RAP1GAP: variants seen among roughly 807,000 people sequenced by gnomAD.
RAP1GAP encodes the protein rap1 GTPase-activating protein 1.
Under a neutral mutation model 87.2 loss-of-function variants are expected in RAP1GAP, and 35 were observed. The observed-to-expected ratio is 0.40, with a 90% CI of 0.31 to 0.53. The LOEUF (loss-of-function observed/expected upper bound fraction) is 0.53. Ranked by LOEUF, RAP1GAP falls within the 20% of genes least tolerant of loss-of-function variation. The probability of loss-of-function intolerance (pLI) is 0.48; values close to 1 mark genes in which losing one functional copy is unlikely to be tolerated. For missense variants in RAP1GAP, 734 were observed against 898.9 expected, an observed-to-expected ratio of 0.82 and a Z score of 2.35; for synonymous variants, 375 against 363.9, an observed-to-expected ratio of 1.03 and a Z score of -0.35.
intron 22 of RAP1GAP, 58 bp from the exon 23 acceptor site, chr1:21,598,122 CG>C (rs1397850170): frequency 2.5e-6 from 3 of 1,191,466 alleles, no homozygotes; most frequent in African/African-American, 1.5e-5. Context: ...ACCAGGGAGA[CG>C]GGGGCATAGG....
At chr1:21,597,924 G>C in intron 23 of RAP1GAP, 37 bp downstream of exon 23, 1 of 1,541,664 alleles carries the variant, frequency 6.5e-7, no homozygotes, top group African/African-American at 1.4e-5. Flanking sequence ...TCCCGGGTGG[G>C]GCTCCCTCAG....
At chr1:21,638,540 G>A (rs9426675) in intron 2 of RAP1GAP, among the ~76,000 whole-genome samples, 448 of 151,982 alleles carry the variant, frequency 2.9e-3, no homozygotes, top group Non-Finnish European at 5.3e-3. Flanking sequence ...ATTTTGAGTG[G>A]GATGAAGCCC....
chr1:21,602,074 C>A (rs528970641), intron 19 of RAP1GAP, among the ~76,000 whole-genome samples: 13 of 152,312 alleles, frequency 8.5e-5, no homozygotes, highest in Non-Finnish European at 1.3e-4. Flanking sequence ...AGGAACCTGC[C>A]CAGGGACGCA....
In RAP1GAP at chr1:21,669,312, T is replaced by G; in HGVS notation, c.-207A>C. On this transcript the variant is annotated 5_prime_UTR_variant, in exon 1 of 25. Transcript: ENST00000374765. This position sits in a 1 kb window ranked among gnomAD's most constrained non-coding sequence, Gnocchi z 5.6. Reference sequence around the variant, plus strand: ...GCACTCTGGTGCCCGCGGCCGCCGCTGCAGCTCTGCTCAGATGCGGCCGGC... The same window carrying G: ...GCACTCTGGTGCCCGCGGCCGCCGCGGCAGCTCTGCTCAGATGCGGCCGGC... 2 of 1,162,426 alleles carry G rather than the reference T, an allele frequency of 1.7e-6. No homozygotes were observed. Among genetic ancestry groups the G allele is most frequent in the Non-Finnish European group, 2.1e-6 (2 of 937,852 alleles). The allele number at this position is 1,162,426 out of a possible 1,614,324, so 72.0% of individuals were successfully genotyped here.
chr1:21,656,153 C>G (rs1447504687), intron 1 of RAP1GAP, among the ~76,000 whole-genome samples: 1 of 152,188 alleles, frequency 6.6e-6, no homozygotes, highest in Admixed American at 6.5e-5. Flanking sequence ...TAACAGTGGG[C>G]TGGGCGCGGT....
At chr1:21,632,825 A>C (rs2094021237) in intron 2 of RAP1GAP, among the ~76,000 whole-genome samples, 1 of 152,210 alleles carries the variant, frequency 6.6e-6, no homozygotes, top group Non-Finnish European at 1.5e-5. Flanking sequence ...CACTTGAGCC[A>C]GAAGTTCCAG....
chr1:21,656,196 G>A (rs2096851330), intron 1 of RAP1GAP, among the ~76,000 whole-genome samples: 1 of 152,168 alleles, frequency 6.6e-6, no homozygotes, highest in Admixed American at 6.5e-5. Flanking sequence ...ATTTTGGGAG[G>A]CTGAGGCAGG....
chr1:21,630,023 G>A (rs899069307), intron 2 of RAP1GAP, among the ~76,000 whole-genome samples: 4 of 152,218 alleles, frequency 2.6e-5, no homozygotes, highest in African/African-American at 9.7e-5. Flanking sequence ...GGCCGACACA[G>A]CTGATACAGA....
Position 21,609,679 on chromosome 1 carries a change from A to G in RAP1GAP, c.1000-33T>C. 6.6e-7 allele frequency: 1 copy of G among 1,506,040 alleles called. No individual in the cohort carries two copies. Among genetic ancestry groups the G allele is most frequent in the South Asian group, 1.4e-5 (1 of 71,750 alleles). The allele number at this position is 1,506,040 out of a possible 1,614,324, so 93.3% of individuals were successfully genotyped here. On this transcript the variant is annotated intron_variant, in intron 14 of 24. Transcript: ENST00000374765. This position sits in a 1 kb window ranked among gnomAD's most constrained non-coding sequence, Gnocchi z 4.4. ...GGAGGGCAGCTGTCTGTTCCTGTGG[A>G]GCCTGGGGTCTGCTCTGCCCCACCC...
chr1:21,612,951 A>ACCGAGGCTTAAACG, intron 10 of RAP1GAP: 1 of 581,304 alleles, frequency 1.7e-6, no homozygotes, highest in Non-Finnish European at 3.1e-6. Flanking sequence ...AGGCAGACAA[A>ACCGAGGCTTAAACG]CCGAGGCTTA....
chr1:21,598,330 G>C, intron 22 of RAP1GAP, 70 bp downstream of exon 22: 1 of 1,385,914 alleles, frequency 7.2e-7, no homozygotes, highest in Non-Finnish European at 1.0e-6. Context: ...ATGGGAACTG[G>C]TGCCCAGCCC....
Position 21,609,968 on chromosome 1 carries a change from AG to A in RAP1GAP, c.999+151del, listed in dbSNP as rs1324824384. On this transcript the variant is annotated intron_variant, in intron 14 of 24. Transcript: ENST00000374765. This position sits in a 1 kb window ranked among gnomAD's most constrained non-coding sequence, Gnocchi z 4.4. ...TGAGGGGGTGAGCTTTGGGGACGAC[AG>A]GGGGCGTGGTGTGAACAGTGCACCA... is the stretch of plus-strand genomic sequence containing the variant. 1.3e-5 allele frequency: 13 copies of A among 990,302 alleles called. No homozygotes were observed. Among genetic ancestry groups the A allele is most frequent in the Non-Finnish European group, 1.6e-5 (11 of 692,446 alleles). 61.3% of individuals were successfully genotyped at this position (990,302 alleles called of 1,614,324 possible).
At position 21,603,210 on chromosome 1, in the gene RAP1GAP, G is replaced by T. The variant is rs1348605287; in HGVS notation, c.1429-297C>A. On this transcript the variant is annotated intron_variant, in intron 18 of 24. Coordinates refer to ENST00000374765, the MANE Select transcript of RAP1GAP (RefSeq NM_002885.4). The surrounding 1 kb of genome is among the most constrained non-coding windows in gnomAD (Gnocchi z 6.0). ...GGGAGGAGGCCGAGTCCTCAGAATG[G>T]CTACCGCTCCCCGCCCCCCAGGGCT... is the stretch of plus-strand genomic sequence containing the variant. 7.0e-6 allele frequency: 3 copies of T among 426,106 alleles called. No individual in the cohort carries two copies. The highest frequency in any genetic ancestry group is 1.3e-5 in the Non-Finnish European group (3 of 236,806). 26.4% of individuals were successfully genotyped at this position (426,106 alleles called of 1,614,324 possible).
intron 2 of RAP1GAP, among the ~76,000 whole-genome samples, chr1:21,639,166 C>T (rs1377666164): frequency 2.0e-5 from 3 of 152,360 alleles, no homozygotes; most frequent in Middle Eastern, 3.4e-3. Flanking sequence ...CTGCTCCTAG[C>T]GCGGGCTCCA....
Position 21,610,195 on chromosome 1 carries a change from C to G in RAP1GAP, c.924G>C (p.Met308Ile), listed in dbSNP as rs769852726. The G allele has an allele frequency of 1.5e-5, 25 of 1,614,064 alleles. No individual in the cohort carries two copies. The Admixed American group carries it at 1.8e-4, about 12-fold the overall frequency. ...QDENTPFVPD[M>I]IASNFLHAYV... ...AGGCATGCAGGAAGTTGGACGCGAT[C>G]ATGTCGGGCACGAAAGGAGTGTTCT... Residue 308 changes from methionine to isoleucine, a missense_variant, in exon 14 of 25, where the codon ATG becomes ATC. Around this residue, in one of 2 missense-constraint regions of RAP1GAP, gnomAD observed 485 missense variants for 646.2 expected, o/e 0.75. Transcript: ENST00000374765.
At chr1:21,628,279 G>A (rs979723224) in intron 2 of RAP1GAP, among the ~76,000 whole-genome samples, 34 of 152,086 alleles carry the variant, frequency 2.2e-4, no homozygotes, top group Middle Eastern at 3.4e-3. Context: ...CAGGCTGGGC[G>A]TGATGGCTCA....
At position 21,602,885 on chromosome 1, in the gene RAP1GAP, G is replaced by A. The variant is rs769374630; in HGVS notation, c.1457C>T (p.Thr486Met). The change falls in exon 19 of 25, where the codon ACG becomes ATG. Residue 486 changes from threonine (T) to methionine (M), a missense_variant. Thr to Met is a moderately conservative substitution (Grantham distance 81). Transcript: ENST00000374765. ...ISLIVPGKSP[T>M]RKKSGPFGSR... ...GCCGAACGGGCCCGACTTCTTCCTC[G>A]TGGGGCTCTTCCCAGGGACAATCAG... is the stretch of plus-strand genomic sequence containing the variant. 17 of 1,609,912 alleles carry A rather than the reference G, an allele frequency of 1.1e-5. No individual in the cohort carries two copies. Among genetic ancestry groups the A allele is most frequent in the South Asian group, 3.3e-5 (3 of 91,024 alleles).
At chr1:21,611,894 A>G in intron 11 of RAP1GAP, 78 bp from the exon 12 acceptor site, 2 of 1,514,242 alleles carry the variant, frequency 1.3e-6, no homozygotes, top group South Asian at 2.3e-5. Flanking sequence ...GGACCCAGAG[A>G]GGGCCGGAGG....
At chr1:21,598,360 G>A (rs1646481049) in intron 22 of RAP1GAP, 40 bp downstream of exon 22, 2 of 1,547,112 alleles carry the variant, frequency 1.3e-6, no homozygotes, top group Admixed American at 3.3e-5. Flanking sequence ...CCTACCCCAA[G>A]GTAGCCCTGC....
Sources: allele counts gnomAD v4.1 joint callset (sites outside exome capture counted in the v4.1 genomes callset), GRCh38; gene constraint gnomAD v4.1.1; regional missense constraint gnomAD v4.1.1; non-coding constraint Gnocchi (gnomAD v3.1); transcripts MANE v1.5; gene names NCBI Gene and HGNC (gene_info 2026-07-23, HGNC 2026-07-21).